SYNPR: variants seen among roughly 807,000 people sequenced by gnomAD.
SYNPR encodes synaptoporin.
SYNPR carries 23 observed loss-of-function variants against 32.9 expected under a neutral mutation model. That is an observed-to-expected ratio of 0.70 (90% CI 0.50 to 0.99). The LOEUF is 0.99. Ranked by LOEUF, SYNPR falls within the 50% of genes least tolerant of loss-of-function variation. The pLI is 0.00. For missense variants in SYNPR, 318 were observed against 349.3 expected, an observed-to-expected ratio of 0.91 and a Z score of 0.71; for synonymous variants, 146 against 135.9, an observed-to-expected ratio of 1.07 and a Z score of -0.52.
intron 2 of SYNPR, among the ~76,000 whole-genome samples, chr3:63,402,896 T>C (rs2088311524): frequency 6.6e-6 from 1 of 152,192 alleles, no homozygotes; most frequent in African/African-American, 2.4e-5. Flanking sequence ...GCACACAGGA[T>C]GGAGAACTAA....
chr3:63,328,301 A>C (rs976053903), intron 2 of SYNPR, among the ~76,000 whole-genome samples: 5 of 152,152 alleles, frequency 3.3e-5, no homozygotes, highest in Admixed American at 6.5e-5. Context: ...CCTTTCTGGG[A>C]ATGTCCAGAA....
intron 2 of SYNPR, among the ~76,000 whole-genome samples, chr3:63,416,570 A>C (rs1346884781): frequency 3.3e-5 from 5 of 151,216 alleles, no homozygotes; most frequent in Non-Finnish European, 7.4e-5. Context: ...AAAACACAGA[A>C]GTTATTGCTA....
At chr3:63,543,588 A>G (rs192706105) in intron 3 of SYNPR, among the ~76,000 whole-genome samples, 1 of 152,098 alleles carries the variant, frequency 6.6e-6, no homozygotes, top group Non-Finnish European at 1.5e-5. Flanking sequence ...TTTCTTTTAC[A>G]AAGACTTTTT....
At chr3:63,537,806 A>C (rs1702235917) in intron 3 of SYNPR, among the ~76,000 whole-genome samples, 2 of 152,134 alleles carry the variant, frequency 1.3e-5, no homozygotes, top group Admixed American at 1.3e-4. Flanking sequence ...CTTTTAAGTC[A>C]GTCCTCAAGC....
At chr3:63,267,651 C>T (rs1180282534) in intron 3 of SYNPR, among the ~76,000 whole-genome samples, 1 of 152,188 alleles carries the variant, frequency 6.6e-6, no homozygotes. Flanking sequence ...AAGCAAATCC[C>T]AGCATCTTCT....
At chr3:63,263,223 G>C (rs2086453913) in intron 2 of SYNPR, among the ~76,000 whole-genome samples, 1 of 152,110 alleles carries the variant, frequency 6.6e-6, no homozygotes, top group East Asian at 1.9e-4. Context: ...TCAATTTTTT[G>C]GAAAACACTG....
At chr3:63,387,259 T>C (rs1052971264) in intron 2 of SYNPR, among the ~76,000 whole-genome samples, 1 of 152,242 alleles carries the variant, frequency 6.6e-6, no homozygotes, top group Admixed American at 6.5e-5. Context: ...AATATTTTTC[T>C]TTCAATCACT....
chr3:63,406,004 C>T (rs1206207571), intron 2 of SYNPR, among the ~76,000 whole-genome samples: 1 of 152,160 alleles, frequency 6.6e-6, no homozygotes. Flanking sequence ...TTTATTCTTA[C>T]TGTCCTGTAG....
intron 2 of SYNPR, among the ~76,000 whole-genome samples, chr3:63,403,948 G>T (rs550260279): frequency 2.6e-5 from 4 of 152,282 alleles, no homozygotes; most frequent in Admixed American, 2.6e-4. Flanking sequence ...CACATGTAGG[G>T]TGGATTTAAT....
chr3:63,562,346 T>C (rs1043203876), intron 4 of SYNPR, among the ~76,000 whole-genome samples: 1 of 152,222 alleles, frequency 6.6e-6, no homozygotes, highest in African/African-American at 2.4e-5. Flanking sequence ...CATTAATAAA[T>C]ACCATCTCAT....
intron 2 of SYNPR, among the ~76,000 whole-genome samples, chr3:63,284,009 C>A (rs982449908): frequency 6.6e-6 from 1 of 151,846 alleles, no homozygotes; most frequent in Non-Finnish European, 1.5e-5. Flanking sequence ...AGGGTTTCAC[C>A]GTGTTAGCCA....
intron 4 of SYNPR, among the ~76,000 whole-genome samples, chr3:63,565,546 G>A (rs1378602619): frequency 6.6e-6 from 1 of 152,182 alleles, no homozygotes; most frequent in Admixed American, 6.5e-5. Flanking sequence ...TCATGAGGGA[G>A]GGGCCCTCAT....
chr3:63,236,874 G>A (rs1379126048), intron 1 of SYNPR, among the ~76,000 whole-genome samples: 1 of 151,994 alleles, frequency 6.6e-6, no homozygotes, highest in Non-Finnish European at 1.5e-5. Flanking sequence ...CCTCATTTCA[G>A]AGGCTAGAAT....
chr3:63,266,827 C>T (rs150099442), intron 2 of SYNPR, among the ~76,000 whole-genome samples: 2,014 of 152,090 alleles, frequency 0.013, 48 homozygotes, highest in African/African-American at 0.046. Flanking sequence ...GGCTTCTCCA[C>T]GAGACCCAGT....
chr3:63,345,525 G>T (rs567659223), intron 2 of SYNPR, among the ~76,000 whole-genome samples: 1 of 152,162 alleles, frequency 6.6e-6, no homozygotes, highest in Non-Finnish European at 1.5e-5. Context: ...ATGACAAGAG[G>T]GGTGACCTCC....
At chr3:63,467,533 A>G (rs1245253158) in intron 2 of SYNPR, among the ~76,000 whole-genome samples, 2 of 152,220 alleles carry the variant, frequency 1.3e-5, no homozygotes, top group Non-Finnish European at 2.9e-5. Flanking sequence ...TAAAATGGTG[A>G]TAATGATGGT....
intron 4 of SYNPR, among the ~76,000 whole-genome samples, chr3:63,588,076 A>G (rs567652368): frequency 6.6e-6 from 1 of 152,262 alleles, no homozygotes; most frequent in East Asian, 1.9e-4. Context: ...TGCTTCTATT[A>G]TCTGCCATTG....
rs141010293 is a variant in SYNPR at position 63,373,694 on chromosome 3, A to G, written c.84+94952A>G. On this transcript the variant is annotated intron_variant, in intron 2 of 5. Coordinates refer to ENST00000478300, the MANE Select transcript of SYNPR (RefSeq NM_001130003.2). Reference sequence around the variant, plus strand: ...ATGAAAACTTCCCAACCTCTCTGGAAAGGTCAACATTCAAATTAAGGAAAC... The same window carrying G: ...ATGAAAACTTCCCAACCTCTCTGGAGAGGTCAACATTCAAATTAAGGAAAC... Among the ~76,000 whole-genome samples the G allele has an allele frequency of 2.3e-3, 347 of 152,296 alleles. 1 individual carries two copies. The highest frequency in any genetic ancestry group is 8.1e-3 in the African/African-American group (335 of 41,588).
At chr3:63,393,667 T>A (rs1298159516) in intron 2 of SYNPR, among the ~76,000 whole-genome samples, 1 of 151,768 alleles carries the variant, frequency 6.6e-6, no homozygotes, top group Non-Finnish European at 1.5e-5. Context: ...TTGGCCAATA[T>A]CTTTTGTTTG....
Sources: allele counts gnomAD v4.1 joint callset (sites outside exome capture counted in the v4.1 genomes callset), GRCh38; gene constraint gnomAD v4.1.1; transcripts MANE v1.5; gene names NCBI Gene and HGNC (gene_info 2026-07-23, HGNC 2026-07-21).